The following CHST1 variants were observed in gnomAD, a reference collection of about 807,000 sequenced individuals.
The protein encoded by CHST1 is carbohydrate sulfotransferase 1.
Under a neutral mutation model 22.5 loss-of-function variants are expected in CHST1, and 10 were observed. The observed-to-expected ratio is 0.44, with a 90% CI of 0.27 to 0.75. The LOEUF (loss-of-function observed/expected upper bound fraction) is 0.75. Among genes scored for constraint, CHST1 ranks in the 30% least tolerant of loss-of-function variants. The pLI, the probability that CHST1 is intolerant of heterozygous loss-of-function variation, is 0.15. For synonymous variants in CHST1, 267 were observed against 264.5 expected, an observed-to-expected ratio of 1.01 and a Z score of -0.09; for missense variants, 439 against 576.1, an observed-to-expected ratio of 0.76 and a Z score of 2.44.
chr11:45,649,173 TTCGCTGC>T lies in CHST1; in HGVS notation c.*508_*514del. Reference sequence around the variant, plus strand: ...GCAAGGGCGGGCAGGAGGGGGCAGTTTCGCTGCTCTAAGGGGGGAAATGGGCGTCAGG... The same window carrying T: ...GCAAGGGCGGGCAGGAGGGGGCAGTTTCTAAGGGGGGAAATGGGCGTCAGG... On this transcript the variant is annotated 3_prime_UTR_variant, in exon 4 of 4. Transcript: ENST00000308064. The T allele has an allele frequency of 2.6e-5, 4 of 153,378 alleles. No individual in the cohort carries two copies. Among genetic ancestry groups the T allele is most frequent in the African/African-American group, 9.7e-5 (4 of 41,382 alleles). 9.5% of individuals were successfully genotyped at this position (153,378 alleles called of 1,614,324 possible).
At position 45,649,962 on chromosome 11, in the gene CHST1, C is replaced by T. The variant is rs201470470; in HGVS notation, c.962G>A (p.Gly321Asp). 2.5e-6 allele frequency: 4 copies of T among 1,613,426 alleles called. No homozygotes were observed. Among genetic ancestry groups the T allele is most frequent in the Non-Finnish European group, 3.4e-6 (4 of 1,179,968 alleles). ...GGCCACGTGGCTGTCCAGCGGGATG[C>T]CCAGGAACCCGTAGATCTCCTCGGT... ...KKTEEIYGFL[G>D]IPLDSHVARW... Residue 321 changes from glycine (G) to aspartate (D), a missense_variant, in exon 4 of 4, where the codon GGC (glycine) becomes GAC (aspartate). Physicochemically the swap from Gly to Asp is moderately conservative, Grantham distance 94. Transcript: ENST00000308064.
intron 1 of CHST1, among the ~76,000 whole-genome samples, chr11:45,654,894 GA>G (rs1852043617): frequency 6.6e-6 from 1 of 152,198 alleles, no homozygotes; most frequent in African/African-American, 2.4e-5. Context: ...CTCACCCCCT[GA>G]ACCATGCCTA....
Position 45,648,067 on chromosome 11 carries a change from C to T in CHST1, c.*1621G>A, listed in dbSNP as rs1336543487. On this transcript the variant is annotated 3_prime_UTR_variant, in exon 4 of 4. Coordinates refer to ENST00000308064, the MANE Select transcript of CHST1 (RefSeq NM_003654.6). ...CCTGGAGCAACCTGCTAGATTGCCA[C>T]GAAGGGAAGGGGAGGAAGCACAGCA... Among the ~76,000 whole-genome samples the T allele has an allele frequency of 1.3e-5, 2 of 152,126 alleles. No homozygotes were observed. The highest frequency in any genetic ancestry group is 6.5e-5 in the Admixed American group (1 of 15,270).
rs1851946434 is a variant in CHST1 at position 45,648,546 on chromosome 11, C to G, written c.*1142G>C. ...AAAATCCAAAAAAAAAAAAAAATAGCCAGGTGTGGCAGTGTGCACCTGTAG... is the reference window on the plus strand; with the variant it reads ...AAAATCCAAAAAAAAAAAAAAATAGGCAGGTGTGGCAGTGTGCACCTGTAG... On this transcript the variant is annotated 3_prime_UTR_variant, in exon 4 of 4. Coordinates refer to ENST00000308064, the MANE Select transcript of CHST1 (RefSeq NM_003654.6). Among the ~76,000 whole-genome samples, 6 of 150,740 alleles carry G rather than the reference C, an allele frequency of 4.0e-5. No individual in the cohort carries two copies. In the South Asian group the frequency reaches 1.0e-3, roughly 26 times the overall value.
chr11:45,650,192 G>T lies in CHST1; in HGVS notation c.732C>A (p.Ser244Arg), dbSNP rs1006152663. The T allele has an allele frequency of 1.2e-6, 2 of 1,611,906 alleles. No individual in the cohort carries two copies. Among genetic ancestry groups the T allele is most frequent in the Non-Finnish European group, 1.7e-6 (2 of 1,180,002 alleles). ...GCCGGTACGTGTCGCGGAAGGTCTC[G>T]CTGCGCGAAGCCAGAATGCCGCGGG... ...RDPRGILASR[S>R]ETFRDTYRLW... The change falls in exon 4 of 4, where the codon AGC becomes AGA. Residue 244 changes from serine to arginine, a missense_variant. By Grantham distance (110) the Ser-to-Arg change is moderately radical. Transcript: ENST00000308064.
Position 45,648,398 on chromosome 11 carries a change from A to AT in CHST1, c.*1289_*1290insA, listed in dbSNP as rs1188005138. ...CTCAACTGACTGAAGGAAAAAAAAA[A>AT]CGGCTGGGTGAGGTGGCTCAAGTCT... On this transcript the variant is annotated 3_prime_UTR_variant, in exon 4 of 4. Coordinates refer to ENST00000308064, the MANE Select transcript of CHST1 (RefSeq NM_003654.6). 6.6e-6 allele frequency among the ~76,000 whole-genome samples: 1 copy of AT among 151,876 alleles called. No homozygotes were observed. The highest frequency in any genetic ancestry group is 1.9e-4 in the East Asian group (1 of 5,186).
chr11:45,651,420 G>T (rs1305597201), intron 3 of CHST1: 1 of 153,248 alleles, frequency 6.5e-6, no homozygotes, highest in Non-Finnish European at 1.5e-5. Context: ...GGAAAGAAGA[G>T]TCCCTATCAG....
rs558322770 is a variant in CHST1, at chr11:45,661,502, T to C, written c.-227+3676A>G. 3.8e-3 allele frequency among the ~76,000 whole-genome samples: 571 copies of C among 152,188 alleles called. 1 individual carries two copies. Among genetic ancestry groups the C allele is most frequent in the African/African-American group, 0.013 (527 of 41,518 alleles). On this transcript the variant is annotated intron_variant, in intron 1 of 3. Transcript: ENST00000308064. ...GGAACCGGAGAGCTGGCAAGGGGTG[T>C]CCATGGGGGTGCCGGCAGCAGCTGG...
Position 45,649,708 on chromosome 11 carries a change from C to G in CHST1, c.1216G>C (p.Asp406His). 1.3e-6 allele frequency: 2 copies of G among 1,584,160 alleles called. No individual in the cohort carries two copies. The highest frequency in any genetic ancestry group is 1.7e-6 in the Non-Finnish European group (2 of 1,167,192). ...CCGGGTCACGAGAAGGGGCGGAAGT[C>G]CCGCTCCTCCACCAGGCTGACCGAG... Reference protein sequence around the residue: ...NPSVSLVEERDFRPFS With the variant: ...NPSVSLVEERHFRPFS Residue 406 changes from aspartate (D) to histidine (H), a missense_variant, in exon 4 of 4, where the codon GAC becomes CAC. Asp to His is a moderately conservative substitution (Grantham distance 81). Coordinates refer to ENST00000308064, the MANE Select transcript of CHST1 (RefSeq NM_003654.6).
At chr11:45,664,645 T>G (rs1354640182) in intron 1 of CHST1, among the ~76,000 whole-genome samples, 1 of 152,218 alleles carries the variant, frequency 6.6e-6, no homozygotes, top group African/African-American at 2.4e-5. Context: ...TGGTGGGCTC[T>G]GCACCATCCG....
intron 1 of CHST1, among the ~76,000 whole-genome samples, chr11:45,660,218 C>T (rs895559985): frequency 2.6e-4 from 39 of 152,234 alleles, no homozygotes; most frequent in African/African-American, 9.1e-4. Context: ...AGGTGAGGGA[C>T]TGAGGCTCAG....
At chr11:45,664,491 G>A (rs1348529876) in intron 1 of CHST1, among the ~76,000 whole-genome samples, 1 of 152,236 alleles carries the variant, frequency 6.6e-6, no homozygotes, top group Non-Finnish European at 1.5e-5. Flanking sequence ...TCCTCAGGCA[G>A]CCTGGCCTTT....
rs1223041723 is a variant in CHST1 at position 45,647,823 on chromosome 11, A to T, written c.*1865T>A. On this transcript the variant is annotated 3_prime_UTR_variant, in exon 4 of 4. Coordinates refer to ENST00000308064, the MANE Select transcript of CHST1 (RefSeq NM_003654.6). Reference sequence around the variant, plus strand: ...AATCACCTATCTTGATTAAGCCACTATTAGTTAAGGCATTTGCTAGAGCTG... The same window carrying T: ...AATCACCTATCTTGATTAAGCCACTTTTAGTTAAGGCATTTGCTAGAGCTG... 6.6e-6 allele frequency among the ~76,000 whole-genome samples: 1 copy of T among 152,218 alleles called. No homozygotes were observed. Among genetic ancestry groups the T allele is most frequent in the Non-Finnish European group, 1.5e-5 (1 of 68,042 alleles).
Position 45,650,617 on chromosome 11 carries a change from G to A in CHST1, c.307C>T (p.Arg103Cys), listed in dbSNP as rs1851983161. The A allele has an allele frequency of 3.1e-6, 5 of 1,613,950 alleles. No individual in the cohort carries two copies. Among genetic ancestry groups the A allele is most frequent in the Admixed American group, 3.3e-5 (2 of 60,012 alleles). The part of the protein sequence containing the change: ...LYHVQNTLIP[R>C]FTQGKSPADR... ...GCCGGGCTCTTGCCCTGGGTGAAGCGGGGGATGAGCGTGTTCTGGACGTGG... is the reference window on the plus strand; with the variant it reads ...GCCGGGCTCTTGCCCTGGGTGAAGCAGGGGATGAGCGTGTTCTGGACGTGG... Residue 103 changes from arginine to cysteine, a missense_variant, in exon 4 of 4, where the codon CGC becomes TGC. Physicochemically the swap from Arg to Cys is radical, Grantham distance 180 (BLOSUM62 -3). Transcript: ENST00000308064.
chr11:45,649,939 C>A lies in CHST1; in HGVS notation c.985G>T (p.Ala329Ser). 6.2e-7 allele frequency: 1 copy of A among 1,613,230 alleles called. No individual in the cohort carries two copies. Reference sequence around the variant, plus strand: ...CGCGTGTTGTTCTGGATCCAGCGGGCCACGTGGCTGTCCAGCGGGATGCCC... The same window carrying A: ...CGCGTGTTGTTCTGGATCCAGCGGGACACGTGGCTGTCCAGCGGGATGCCC... The part of the protein sequence containing the change: ...FLGIPLDSHV[A>S]RWIQNNTRGD... Residue 329 changes from alanine to serine, a missense_variant, in exon 4 of 4, where the codon GCC (alanine) becomes TCC (serine). Coordinates refer to ENST00000308064, the MANE Select transcript of CHST1 (RefSeq NM_003654.6).
chr11:45,650,197 G>T lies in CHST1; in HGVS notation c.727C>A (p.Arg243Ser). ...TACGTGTCGCGGAAGGTCTCGCTGC[G>T]CGAAGCCAGAATGCCGCGGGGGTCT... is the stretch of plus-strand genomic sequence containing the variant. ...VRDPRGILAS[R>S]SETFRDTYRL... Residue 243 changes from arginine (R) to serine (S), a missense_variant, in exon 4 of 4, where the codon CGC (arginine) becomes AGC (serine). Transcript: ENST00000308064. The T allele has an allele frequency of 6.2e-7, 1 of 1,611,816 alleles. No homozygotes were observed. Among genetic ancestry groups the T allele is most frequent in the East Asian group, 2.2e-5 (1 of 44,860 alleles).
chr11:45,658,549 T>C (rs1163723855), intron 1 of CHST1, among the ~76,000 whole-genome samples: 2 of 151,918 alleles, frequency 1.3e-5, no homozygotes, highest in Non-Finnish European at 2.9e-5. Context: ...CATCCTGCCG[T>C]GGAGGGTGGG....
rs1239100717 is a variant in CHST1, at chr11:45,648,687, T to A, written c.*1001A>T. On this transcript the variant is annotated 3_prime_UTR_variant, in exon 4 of 4. Coordinates refer to ENST00000308064, the MANE Select transcript of CHST1 (RefSeq NM_003654.6). The stretch of plus-strand genomic sequence containing the variant: ...GCCTGGGTGACAGAGCGAGACTCTG[T>A]CTCAAAACAAAACAAAACAAAAACC... Among the ~76,000 whole-genome samples, 4 of 152,044 alleles carry A rather than the reference T, an allele frequency of 2.6e-5. No homozygotes were observed. Among genetic ancestry groups the A allele is most frequent in the Non-Finnish European group, 5.9e-5 (4 of 67,998 alleles).
intron 1 of CHST1, 156 bp from the exon 2 acceptor site, chr11:45,652,762 C>T (rs1388858948): frequency 6.6e-6 from 1 of 152,254 alleles, no homozygotes; most frequent in Non-Finnish European, 1.5e-5. Context: ...TAGCAAGAAC[C>T]AGATGTGGAA....
Sources: gnomAD v4.1 joint callset for allele counts (sites outside exome capture counted in the v4.1 genomes callset) on GRCh38, gnomAD v4.1.1 for gene constraint, MANE v1.5 for transcripts, NCBI Gene and HGNC (gene_info 2026-07-23, HGNC 2026-07-21) for gene names.